UBE2G1: variants seen among roughly 807,000 people sequenced by gnomAD.
The protein encoded by UBE2G1 is ubiquitin conjugating enzyme E2 G1, also known as ubiquitin-conjugating enzyme E2 G1.
In UBE2G1, 5 loss-of-function variants were observed where a neutral mutation model predicts 22.7. The observed-to-expected ratio is 0.22, with a 90% CI of 0.12 to 0.46. UBE2G1 has a LOEUF of 0.46. Among genes scored for constraint, UBE2G1 ranks in the 20% least tolerant of loss-of-function variants. The pLI, the probability that UBE2G1 is intolerant of heterozygous loss-of-function variation, is 0.99. For synonymous variants in UBE2G1, 74 were observed against 67.5 expected, an observed-to-expected ratio of 1.10 and a Z score of -0.47; for missense variants, 88 against 203.9, an observed-to-expected ratio of 0.43 and a Z score of 3.46.
At chr17:4,295,272 A>C (rs1969096693) in intron 3 of UBE2G1, among the ~76,000 whole-genome samples, 1 of 152,238 alleles carries the variant, frequency 6.6e-6, no homozygotes, top group Admixed American at 6.5e-5. Context: ...CGGTTAATGC[A>C]TTCTGCCATC....
At chr17:4,315,113 G>T (rs903482603) in intron 1 of UBE2G1, among the ~76,000 whole-genome samples, 3 of 152,008 alleles carry the variant, frequency 2.0e-5, no homozygotes, top group African/African-American at 7.3e-5. Context: ...ACAGACAAAT[G>T]ATCATGTTTA....
intron 2 of UBE2G1, among the ~76,000 whole-genome samples, chr17:4,303,028 T>C (rs1451211270): frequency 6.6e-5 from 10 of 152,132 alleles, no homozygotes; most frequent in Admixed American, 6.5e-4. Context: ...CTTCATTAAG[T>C]ATGTGTCTAA....
chr17:4,313,446 G>A (rs184272172), intron 1 of UBE2G1, among the ~76,000 whole-genome samples: 325 of 152,282 alleles, frequency 2.1e-3, no homozygotes, highest in African/African-American at 7.4e-3. Context: ...GGAGTTTTGA[G>A]AATGCCAAAG....
rs200803491 is a variant in UBE2G1, at chr17:4,289,101, A to G, written c.426+129T>C. ...TTTGTCAAAAATAAGAACTATGGGA[A>G]GAGATACACACACACACACACACAC... On this transcript the variant is annotated intron_variant, in intron 4 of 5. Coordinates refer to ENST00000396981, the MANE Select transcript of UBE2G1 (RefSeq NM_003342.5). The G allele has an allele frequency of 9.2e-5, 54 of 587,168 alleles. 1 individual carries two copies. In the East Asian group the frequency reaches 1.2e-3, roughly 13 times the overall value. The allele number at this position is 587,168 out of a possible 1,614,324, so 36.4% of individuals were successfully genotyped here. A position where few individuals can be genotyped will look rare whatever the true frequency, so the allele number is the denominator to read the frequency against.
rs1239415911 is a variant in UBE2G1, at chr17:4,271,112, T to G, written c.*1442A>C. The G allele has an allele frequency of 6.6e-6, 1 of 152,262 alleles. No individual in the cohort carries two copies. The highest frequency in any genetic ancestry group is 1.5e-5 in the Non-Finnish European group (1 of 68,046). 9.4% of individuals were successfully genotyped at this position (152,262 alleles called of 1,614,324 possible). On this transcript the variant is annotated 3_prime_UTR_variant, in exon 6 of 6. Transcript: ENST00000396981. ...CTGCCTTTAACACTGCACATGTTCA[T>G]TTTACCATTTGCTGAAGTTGTTTTA... is the stretch of plus-strand genomic sequence containing the variant.
At chr17:4,296,190 T>A (rs890083291) in intron 3 of UBE2G1, among the ~76,000 whole-genome samples, 1 of 152,032 alleles carries the variant, frequency 6.6e-6, no homozygotes, top group African/African-American at 2.4e-5. Context: ...CCCTCTGGTT[T>A]AAAACACGAG....
At chr17:4,274,021 T>C (rs1968791249) in intron 5 of UBE2G1, among the ~76,000 whole-genome samples, 1 of 151,992 alleles carries the variant, frequency 6.6e-6, no homozygotes, top group Non-Finnish European at 1.5e-5. Flanking sequence ...AGTCTTGCTC[T>C]GTCACCCAGG....
rs570704846 is a variant in UBE2G1, at chr17:4,328,002, T to TGA, written c.47-20881_47-20880dup. 4.0e-4 allele frequency among the ~76,000 whole-genome samples: 60 copies of TGA among 151,824 alleles called. 1 individual carries two copies. Among genetic ancestry groups the TGA allele is most frequent in the African/African-American group, 1.4e-3 (59 of 41,368 alleles). On this transcript the variant is annotated intron_variant, in intron 1 of 5. Transcript: ENST00000396981. Reference sequence around the variant, plus strand: ...TTTCCTTTGTGTAGAGCTTCTCCTGTGAAAGGCCCATTTTGGCCCATGTGC... The same window carrying TGA: ...TTTCCTTTGTGTAGAGCTTCTCCTGTGAGAAAGGCCCATTTTGGCCCATGTGC...
chr17:4,340,980 C>A (rs1157794772), intron 1 of UBE2G1, among the ~76,000 whole-genome samples: 3 of 135,644 alleles, frequency 2.2e-5, no homozygotes, highest in Non-Finnish European at 4.6e-5. Flanking sequence ...CTATGAAAAT[C>A]TTGTCTTTCC....
chr17:4,304,524 G>C (rs1275200532), intron 2 of UBE2G1, among the ~76,000 whole-genome samples: 1 of 151,836 alleles, frequency 6.6e-6, no homozygotes, highest in Non-Finnish European at 1.5e-5. Flanking sequence ...ACTGAATTAA[G>C]ACTTGTGGCA....
chr17:4,328,045 ACT>A (rs1425011311), intron 1 of UBE2G1, among the ~76,000 whole-genome samples: 1 of 152,048 alleles, frequency 6.6e-6, no homozygotes, highest in African/African-American at 2.4e-5. Context: ...GTAGACCGAT[ACT>A]CTCAGTCTCA....
In UBE2G1 at chr17:4,289,271, C is replaced by A. The variant is rs1182071631; in HGVS notation, c.385G>T (p.Ala129Ser). The A allele has an allele frequency of 1.9e-6, 3 of 1,594,990 alleles. No homozygotes were observed. Among genetic ancestry groups the A allele is most frequent in the Non-Finnish European group, 2.6e-6 (3 of 1,170,948 alleles). Residue 129 changes from alanine (A) to serine (S), a missense_variant, in exon 4 of 6, where the codon GCA becomes TCA. Ala to Ser is a moderately conservative substitution (Grantham distance 99). Around this residue, in one of 2 missense-constraint regions of UBE2G1, gnomAD observed 38 missense variants for 132.9 expected, o/e 0.29. Transcript: ENST00000396981. ...GCAGGTGAGTCTCCATTAGGGTCTG[C>A]CAGCATAGAAATGACACTAATCATG... ...TIMISVISML[A>S]DPNGDSPANV...
intron 4 of UBE2G1, among the ~76,000 whole-genome samples, chr17:4,283,322 C>T (rs902272904): frequency 6.6e-6 from 1 of 152,070 alleles, no homozygotes; most frequent in African/African-American, 2.4e-5. Flanking sequence ...ACCAGCCTGA[C>T]CAATATGGTG....
chr17:4,333,804 G>T (rs1305097196), intron 1 of UBE2G1, among the ~76,000 whole-genome samples: 1 of 152,004 alleles, frequency 6.6e-6, no homozygotes, highest in Admixed American at 6.6e-5. Flanking sequence ...GGGTGACACA[G>T]TGAGACTCCG....
intron 1 of UBE2G1, among the ~76,000 whole-genome samples, chr17:4,355,231 G>C (rs1969892306): frequency 6.6e-6 from 1 of 151,534 alleles, no homozygotes. Flanking sequence ...TCAAACTCCT[G>C]ACCTCAGGTG....
chr17:4,305,054 G>A (rs927584635), intron 2 of UBE2G1, among the ~76,000 whole-genome samples: 6 of 151,212 alleles, frequency 4.0e-5, no homozygotes, highest in Admixed American at 3.3e-4. Flanking sequence ...CTGGATTCAA[G>A]CGATTCTCCT....
chr17:4,298,548 T>A (rs868184633), intron 2 of UBE2G1, among the ~76,000 whole-genome samples: 4 of 152,182 alleles, frequency 2.6e-5, no homozygotes, highest in African/African-American at 4.8e-5. Flanking sequence ...AGATTAAGTT[T>A]AAAAAAAGAG....
rs372013698 is a variant in UBE2G1, at chr17:4,275,677, A to C, written c.*38-3161T>G. On this transcript the variant is annotated intron_variant, in intron 5 of 5. Coordinates refer to ENST00000396981, the MANE Select transcript of UBE2G1 (RefSeq NM_003342.5). ...TTTTTGATGTTAATGACAAAAATAA[A>C]AGTAATTCTTCAATCATAGGGAAGT... Among the ~76,000 whole-genome samples the C allele has an allele frequency of 2.6e-5, 4 of 152,216 alleles. No homozygotes were observed. The East Asian group carries it at 7.7e-4, about 29-fold the overall frequency.
At chr17:4,338,618 T>A (rs996703996) in intron 1 of UBE2G1, among the ~76,000 whole-genome samples, 12 of 152,206 alleles carry the variant, frequency 7.9e-5, no homozygotes, top group Admixed American at 7.2e-4. Context: ...GACAGCAGAG[T>A]ATACTCAATA....
Sources: allele counts gnomAD v4.1 joint callset (sites outside exome capture counted in the v4.1 genomes callset), GRCh38; gene constraint gnomAD v4.1.1; regional missense constraint gnomAD v4.1.1; transcripts MANE v1.5; gene names NCBI Gene and HGNC (gene_info 2026-07-23, HGNC 2026-07-21).